ARHGEF26: variants seen among roughly 807,000 people sequenced by gnomAD.
ARHGEF26 encodes the protein Rho guanine nucleotide exchange factor 26, also known as Rho guanine nucleotide exchange factor (GEF) 26.
In ARHGEF26, 59 loss-of-function variants were observed where a neutral mutation model predicts 89.4. The observed-to-expected ratio is 0.66, with a 90% confidence interval of 0.54 to 0.82. The LOEUF (loss-of-function observed/expected upper bound fraction) is 0.82. Ranked by LOEUF, ARHGEF26 falls within the 40% of genes least tolerant of loss-of-function variation. The pLI, the probability that ARHGEF26 is intolerant of heterozygous loss-of-function variation, is 0.00. For synonymous variants in ARHGEF26, 500 were observed against 428.4 expected (o/e 1.17, Z -2.06); for missense variants, 1,234 against 1,085.6 (o/e 1.14, Z -1.92).
chr3:154,122,681 A>G lies in ARHGEF26; in HGVS notation c.689A>G (p.Asn230Ser). Residue 230 changes from asparagine (N) to serine (S), a missense_variant, in exon 2 of 15, where the codon AAT (asparagine) becomes AGT (serine). By Grantham distance (46) the Asn-to-Ser change is conservative. Coordinates refer to ENST00000465093, the MANE Select transcript of ARHGEF26 (RefSeq NM_015595.4). ...TCCCAGGAGAACGAGCTCCTCGAGA[A>G]TCCTTCCGTGGTTTTGAGTACAAAC... ...LPSQENELLE[N>S]PSVVLSTNSP... 1.2e-6 allele frequency: 2 copies of G among 1,613,880 alleles called. No individual in the cohort carries two copies. The highest frequency in any genetic ancestry group is 8.5e-7 in the Non-Finnish European group (1 of 1,179,834).
Position 154,121,952 on chromosome 3 carries a change from C to CT in ARHGEF26, c.-40dup. On this transcript the variant is annotated 5_prime_UTR_variant, in exon 2 of 15. Transcript: ENST00000465093. ...TTCTTTCCTCTTTAGGCAAGACTAA[C>CT]TCGGTGTTGCTCCTCCCGGCGCTGA... 6.5e-7 allele frequency: 1 copy of CT among 1,548,072 alleles called. No homozygotes were observed. The highest frequency in any genetic ancestry group is 8.7e-7 in the Non-Finnish European group (1 of 1,143,226).
At chr3:154,241,363 T>TC (rs1196338459) in intron 12 of ARHGEF26, among the ~76,000 whole-genome samples, 2 of 151,992 alleles carry the variant, frequency 1.3e-5, no homozygotes, top group Non-Finnish European at 2.9e-5. Context: ...GATTCCTGCC[T>TC]CCAACTCCAT....
rs1349435950 is a variant in ARHGEF26 at position 154,175,575 on chromosome 3, TC to T, written c.1488-12109del. On this transcript the variant is annotated intron_variant, in intron 6 of 14. Coordinates refer to ENST00000465093, the MANE Select transcript of ARHGEF26 (RefSeq NM_015595.4). ...GTAAAGATAAATCATACTTACTTTT[TC>T]ATGAAGCTAATTGCCTCTGGTTTGT... 2.6e-5 allele frequency among the ~76,000 whole-genome samples: 4 copies of T among 152,222 alleles called. No homozygotes were observed. In the East Asian group the frequency reaches 7.7e-4, roughly 29 times the overall value.
chr3:154,183,977 C>CTTTTTTTTTTT lies in ARHGEF26; in HGVS notation c.1488-3705_1488-3695dup, dbSNP rs548153454. On this transcript the variant is annotated intron_variant, in intron 6 of 14. Transcript: ENST00000465093. ...GTTTCTTCTTTTTTCAATTTTCTTT[C>CTTTTTTTTTTT]TTTTTTTTTTTTTGAGACGGAGTCT... 1.4e-4 allele frequency among the ~76,000 whole-genome samples: 20 copies of CTTTTTTTTTTT among 140,328 alleles called. 1 individual carries two copies. The highest frequency in any genetic ancestry group is 1.9e-4 in the Non-Finnish European group (12 of 64,632). 92.1% of individuals were successfully genotyped at this position (140,328 alleles called of 152,430 possible). A position where few individuals can be genotyped will look rare whatever the true frequency, so the allele number is the denominator to read the frequency against.
intron 14 of ARHGEF26, 37 bp from the exon 15 acceptor site, chr3:154,255,294 A>ACTTGTTGT (rs764432404): frequency 6.3e-7 from 1 of 1,597,590 alleles, no homozygotes; most frequent in Non-Finnish European, 8.5e-7. Flanking sequence ...CACTCCAAAT[A>ACTTGTTGT]CTTGTTGTTT....
chr3:154,236,727 C>T (rs1717152107), intron 11 of ARHGEF26, among the ~76,000 whole-genome samples: 1 of 152,184 alleles, frequency 6.6e-6, no homozygotes, highest in Admixed American at 6.5e-5. Flanking sequence ...TATAGAGTTT[C>T]TGCTCCTCTT....
rs544143619 is a variant in ARHGEF26, at chr3:154,167,011, T to G, written c.1487+14079T>G. Among the ~76,000 whole-genome samples the G allele has an allele frequency of 2.0e-5, 3 of 152,314 alleles. No homozygotes were observed. In the South Asian group the frequency reaches 6.2e-4, roughly 32 times the overall value. On this transcript the variant is annotated intron_variant, in intron 6 of 14. Coordinates refer to ENST00000465093, the MANE Select transcript of ARHGEF26 (RefSeq NM_015595.4). ...TTTAGTCCATCAAACAGCCAGAGTC[T>G]TAAGAATAACACCGAGTATAATTTT...
chr3:154,244,406 T>C (rs982461544), intron 12 of ARHGEF26, among the ~76,000 whole-genome samples: 2 of 152,138 alleles, frequency 1.3e-5, no homozygotes, highest in African/African-American at 4.8e-5. Flanking sequence ...ACAGTGAGCA[T>C]CTGGGATATG....
intron 9 of ARHGEF26, among the ~76,000 whole-genome samples, chr3:154,208,689 T>G (rs1175664524): frequency 6.6e-6 from 1 of 151,720 alleles, no homozygotes; most frequent in East Asian, 1.9e-4. Flanking sequence ...GTCTTCAAGC[T>G]CACTAATTTT....
At position 154,255,425 on chromosome 3, in the gene ARHGEF26, G is replaced by A. The variant is rs1341361217; in HGVS notation, c.2568G>A (p.Lys856=). The change falls in exon 15 of 15, where the codon AAG becomes AAA. Residue 856 remains lysine (K), a synonymous_variant. Transcript: ENST00000465093. ...TAACATGTCAAGCTACAATTGATAAGAATGTGGAGAGAATGGGACGCTTGC... is the reference window on the plus strand; with the variant it reads ...TAACATGTCAAGCTACAATTGATAAAAATGTGGAGAGAATGGGACGCTTGC... ...KEITCQATID[K]NVERMGRLLG... 5 of 1,613,840 alleles carry A rather than the reference G, an allele frequency of 3.1e-6. No individual in the cohort carries two copies. The South Asian group carries it at 4.4e-5, about 14-fold the overall frequency.
chr3:154,192,554 CT>C (rs1714015637), intron 8 of ARHGEF26, among the ~76,000 whole-genome samples: 1 of 152,206 alleles, frequency 6.6e-6, no homozygotes, highest in African/African-American at 2.4e-5. Context: ...AACTTCCCCC[CT>C]GTGTACATAT....
At position 154,255,754 on chromosome 3, in the gene ARHGEF26, T is replaced by A; in HGVS notation, c.*281T>A. ...TCAGGGATCAGGTCATCTCTGCTCC[T>A]CCTAGTTTCACCATGTTCTGGCAAT... On this transcript the variant is annotated 3_prime_UTR_variant, in exon 15 of 15. Transcript: ENST00000465093. 1 of 1,208,898 alleles carries A rather than the reference T, an allele frequency of 8.3e-7. No homozygotes were observed. Among genetic ancestry groups the A allele is most frequent in the Non-Finnish European group, 1.0e-6 (1 of 972,950 alleles). 74.9% of individuals were successfully genotyped at this position (1,208,898 alleles called of 1,614,324 possible).
At chr3:154,125,878 T>G (rs1727889) in intron 3 of ARHGEF26, among the ~76,000 whole-genome samples, 99,308 of 151,826 alleles carry the variant, frequency 0.65, 33,565 homozygotes, top group Non-Finnish European at 0.75. Flanking sequence ...GTCTAAATGG[T>G]GAGAATCTGT....
chr3:154,165,034 A>G (rs1380314440), intron 6 of ARHGEF26, among the ~76,000 whole-genome samples: 1 of 152,144 alleles, frequency 6.6e-6, no homozygotes, highest in African/African-American at 2.4e-5. Flanking sequence ...TCACAGGTAT[A>G]GATTTAATTA....
chr3:154,148,859 A>G (rs1025027229), intron 4 of ARHGEF26, among the ~76,000 whole-genome samples: 1 of 152,210 alleles, frequency 6.6e-6, no homozygotes, highest in Non-Finnish European at 1.5e-5. Flanking sequence ...GGTAAAGCTA[A>G]GAACATTCCA....
At chr3:154,175,431 G>A (rs1462601256) in intron 6 of ARHGEF26, among the ~76,000 whole-genome samples, 1 of 144,838 alleles carries the variant, frequency 6.9e-6, no homozygotes, top group Non-Finnish European at 1.5e-5. Context: ...TCAAGCTAGT[G>A]TTAAAAAAAA....
chr3:154,251,040 T>C (rs1180631719), intron 12 of ARHGEF26, among the ~76,000 whole-genome samples: 1 of 152,136 alleles, frequency 6.6e-6, no homozygotes, highest in Non-Finnish European at 1.5e-5. Flanking sequence ...ATATTACTAC[T>C]TGACACACCA....
At chr3:154,163,786 G>A (rs1039054753) in intron 6 of ARHGEF26, among the ~76,000 whole-genome samples, 1 of 152,110 alleles carries the variant, frequency 6.6e-6, no homozygotes, top group Non-Finnish European at 1.5e-5. Flanking sequence ...CATATCTTTA[G>A]CATAAGCAGT....
chr3:154,237,420 T>C (rs1224095491), intron 11 of ARHGEF26, among the ~76,000 whole-genome samples: 1 of 151,964 alleles, frequency 6.6e-6, no homozygotes, highest in East Asian at 1.9e-4. Context: ...TGCATGCCTG[T>C]AATCCCAGCT....
Sources: allele counts gnomAD v4.1 joint callset (sites outside exome capture counted in the v4.1 genomes callset), GRCh38; gene constraint gnomAD v4.1.1; transcripts MANE v1.5; gene names NCBI Gene and HGNC (gene_info 2026-07-23, HGNC 2026-07-21).